MARCHF7: variants seen among roughly 807,000 people sequenced by gnomAD.
MARCHF7 encodes E3 ubiquitin-protein ligase MARCHF7.
MARCHF7 carries 20 observed loss-of-function variants against 76.5 expected under a neutral mutation model. That is an observed-to-expected ratio of 0.26 (90% CI 0.18 to 0.38). The LOEUF is 0.38. Among genes scored for constraint, MARCHF7 ranks in the 10% least tolerant of loss-of-function variants. MARCHF7 has a pLI of 1.00. For synonymous variants in MARCHF7, 295 were observed against 293.0 expected (o/e 1.01, Z -0.07); for missense variants, 797 against 812.9 (o/e 0.98, Z 0.24).
chr2:159,753,185 T>C (rs747626522), intron 8 of MARCHF7, among the ~76,000 whole-genome samples: 3 of 152,104 alleles, frequency 2.0e-5, no homozygotes, highest in Non-Finnish European at 2.9e-5. Context: ...TCAAAGACTT[T>C]AGGGTGGGAA....
At chr2:159,721,197 C>T (rs914390000) in intron 3 of MARCHF7, among the ~76,000 whole-genome samples, 2 of 152,186 alleles carry the variant, frequency 1.3e-5, no homozygotes, top group East Asian at 3.9e-4. Context: ...AGGTTGTGGT[C>T]TTTTGGAGTC....
chr2:159,723,179 T>C (rs6760485), intron 3 of MARCHF7, among the ~76,000 whole-genome samples: 52,451 of 152,030 alleles, frequency 0.35, 9,256 homozygotes, highest in South Asian at 0.44. Flanking sequence ...AATATTCTTT[T>C]CTCTAATGAA....
intron 3 of MARCHF7, among the ~76,000 whole-genome samples, chr2:159,728,408 A>G (rs78703474): frequency 0.011 from 1,686 of 152,334 alleles, 12 homozygotes; most frequent in African/African-American, 0.017. Context: ...AGTGATTTTA[A>G]AATACTTTAA....
chr2:159,749,781 T>G (rs187293492), intron 7 of MARCHF7, among the ~76,000 whole-genome samples: 107 of 152,290 alleles, frequency 7.0e-4, no homozygotes, highest in African/African-American at 2.4e-3. Flanking sequence ...AAGGTTATTT[T>G]AACCGGGTTG....
At chr2:159,735,119 A>G (rs1442109064) in intron 4 of MARCHF7, among the ~76,000 whole-genome samples, 2 of 152,220 alleles carry the variant, frequency 1.3e-5, no homozygotes, top group Admixed American at 1.3e-4. Flanking sequence ...ATTTCAAACA[A>G]GGGAGAGCTC....
chr2:159,750,294 A>G (rs1560019045), intron 7 of MARCHF7, among the ~76,000 whole-genome samples: 2 of 152,218 alleles, frequency 1.3e-5, no homozygotes, highest in Non-Finnish European at 2.9e-5. Context: ...TGGGAGGCCA[A>G]GGTGGGCAGA....
chr2:159,753,414 A>T (rs1204295204), intron 8 of MARCHF7, among the ~76,000 whole-genome samples: 3 of 151,318 alleles, frequency 2.0e-5, no homozygotes, highest in Admixed American at 1.3e-4. Context: ...TACTAAAAAT[A>T]AAAAAAAATT....
Position 159,748,359 on chromosome 2 carries a change from T to G in MARCHF7, c.1069T>G (p.Leu357Val). 1 of 1,613,790 alleles carries G rather than the reference T, an allele frequency of 6.2e-7. No homozygotes were observed. Among genetic ancestry groups the G allele is most frequent in the Non-Finnish European group, 8.5e-7 (1 of 1,180,014 alleles). ...GFRFLRRRWGLSSLSHNHSSE... is the reference protein window; with the variant it reads ...GFRFLRRRWGVSSLSHNHSSE... The stretch of plus-strand genomic sequence containing the variant: ...TCGATTTCTTAGGCGAAGATGGGGT[T>G]TGTCATCTCTTAGCCACAATCATAG... Residue 357 changes from leucine (L) to valine (V), a missense_variant, in exon 7 of 12, where the codon TTG becomes GTG. Physicochemically the swap from Leu to Val is conservative, Grantham distance 32 (BLOSUM62 1). This residue lies in a region of MARCHF7 where 643 missense variants were observed against 631.5 expected (regional missense o/e 1.02). Transcript: ENST00000409175.
At chr2:159,730,646 G>A (rs564122386) in intron 4 of MARCHF7, among the ~76,000 whole-genome samples, 1 of 152,282 alleles carries the variant, frequency 6.6e-6, no homozygotes, top group Non-Finnish European at 1.5e-5. Flanking sequence ...TCCTAGAGGT[G>A]TAGAATCATA....
intron 8 of MARCHF7, 147 bp from the exon 9 acceptor site, chr2:159,759,079 T>A (rs765938645): frequency 2.2e-5 from 12 of 557,182 alleles, no homozygotes; most frequent in Non-Finnish European, 3.8e-5. Flanking sequence ...TAGGGGACAT[T>A]ACTGGTTTAC....
intron 8 of MARCHF7, among the ~76,000 whole-genome samples, chr2:159,756,678 A>C: frequency 9.7e-6 from 1 of 102,748 alleles, no homozygotes; most frequent in African/African-American, 3.9e-5. Context: ...CAAGAGTGAC[A>C]CTCAGTCTCA....
rs1001464483 is a variant in MARCHF7 at position 159,761,691 on chromosome 2, C to A, written c.1894-1189C>A. Among the ~76,000 whole-genome samples the A allele has an allele frequency of 3.9e-5, 6 of 152,034 alleles. No individual in the cohort carries two copies. The South Asian group carries it at 1.0e-3, about 26-fold the overall frequency. The stretch of plus-strand genomic sequence containing the variant: ...CCTCCCAAAATGCTGGGATTATAGG[C>A]GTGAGCCACCGCACATGGCCTCAAA... On this transcript the variant is annotated intron_variant, in intron 9 of 11. Coordinates refer to ENST00000409175, the MANE Select transcript of MARCHF7 (RefSeq NM_001282805.2).
At position 159,748,973 on chromosome 2, in the gene MARCHF7, C is replaced by CTT. The variant is rs1210018083; in HGVS notation, c.1613+73_1613+74dup. 2,574 of 681,456 alleles carry CTT rather than the reference C, an allele frequency of 3.8e-3. 54 individuals carry two copies. The highest frequency in any genetic ancestry group is 0.012 in the South Asian group (357 of 30,560). 42.2% of individuals were successfully genotyped at this position (681,456 alleles called of 1,614,324 possible). On this transcript the variant is annotated intron_variant, in intron 7 of 11. Coordinates refer to ENST00000409175, the MANE Select transcript of MARCHF7 (RefSeq NM_001282805.2). Reference sequence around the variant, plus strand: ...AAAGAACTCTTCATTTCTTTTTTTTCTTTTCTTTTTTTTTTTTTTTTTTGA... The same window carrying CTT: ...AAAGAACTCTTCATTTCTTTTTTTTCTTTTTTCTTTTTTTTTTTTTTTTTTGA...
rs151152086 is a variant in MARCHF7 at position 159,770,231 on chromosome 2, T to TATCA, written c.*2892_*2895dup. 534 of 152,320 alleles carry TATCA rather than the reference T, an allele frequency of 3.5e-3. 1 individual carries two copies. Among genetic ancestry groups the TATCA allele is most frequent in the African/African-American group, 0.012 (501 of 41,568 alleles). 9.4% of individuals were successfully genotyped at this position (152,320 alleles called of 1,614,324 possible). A position where few individuals can be genotyped will look rare whatever the true frequency, so the allele number is the denominator to read the frequency against. On this transcript the variant is annotated 3_prime_UTR_variant, in exon 12 of 12. Transcript: ENST00000409175. ...TTCAATATTGACATTAGTAATAGTCTATCAATAATAAAATAGACATCTCAA... is the reference window on the plus strand; with the variant it reads ...TTCAATATTGACATTAGTAATAGTCTATCAATCAATAATAAAATAGACATCTCAA...
chr2:159,749,001 C>G, intron 7 of MARCHF7, 98 bp downstream of exon 7: 1 of 1,169,514 alleles, frequency 8.6e-7, no homozygotes, highest in Non-Finnish European at 1.1e-6. Flanking sequence ...TTTTTTGAGA[C>G]GGAGTCTCAG....
intron 4 of MARCHF7, among the ~76,000 whole-genome samples, chr2:159,742,676 A>G (rs1275770685): frequency 6.6e-6 from 1 of 152,192 alleles, no homozygotes; most frequent in Non-Finnish European, 1.5e-5. Flanking sequence ...GGCCAGGCAC[A>G]GAGGCTCGTG....
At chr2:159,741,978 A>G (rs1704181158) in intron 4 of MARCHF7, among the ~76,000 whole-genome samples, 1 of 152,180 alleles carries the variant, frequency 6.6e-6, no homozygotes, top group Admixed American at 6.5e-5. Context: ...GAATAGTACA[A>G]TTTCAATAAT....
At chr2:159,716,238 AG>A (rs760183666) in intron 3 of MARCHF7, among the ~76,000 whole-genome samples, 2 of 150,002 alleles carry the variant, frequency 1.3e-5, no homozygotes, top group African/African-American at 2.4e-5. Flanking sequence ...TTTCCCACTA[AG>A]GAAAAAAAAA....
At chr2:159,733,313 C>A (rs1323856938) in intron 4 of MARCHF7, 1 of 570,438 alleles carries the variant, frequency 1.8e-6, no homozygotes. Context: ...TCTCAGCTCA[C>A]TGAAGCCTCT....
Sources: allele counts gnomAD v4.1 joint callset (sites outside exome capture counted in the v4.1 genomes callset), GRCh38; gene constraint gnomAD v4.1.1; regional missense constraint gnomAD v4.1.1; transcripts MANE v1.5; gene names NCBI Gene and HGNC (gene_info 2026-07-23, HGNC 2026-07-21).